Variants in PAM observed in about 807,000 individuals in gnomAD.
PAM encodes peptidyl-glycine alpha-amidating monooxygenase.
Under a neutral mutation model 122.1 loss-of-function variants are expected in PAM, and 72 were observed. That is an observed-to-expected ratio of 0.59 (90% CI 0.49 to 0.72). The LOEUF (loss-of-function observed/expected upper bound fraction) is 0.72, where lower values mean the gene tolerates loss of function less well. Ranked by LOEUF, PAM falls within the 30% of genes least tolerant of loss-of-function variation. The pLI is 0.00. For missense variants in PAM, 1,106 were observed against 1,183.7 expected (o/e 0.93, Z 0.96); for synonymous variants, 389 against 404.4 (o/e 0.96, Z 0.46).
At chr5:102,809,647 ATATAC>A (rs1354178869) in intron 1 of PAM, among the ~76,000 whole-genome samples, 1 of 152,242 alleles carries the variant, frequency 6.6e-6, no homozygotes, top group Admixed American at 6.5e-5. Context: ...GCCTTTTTAA[ATATAC>A]CCTTCTGTCT....
At chr5:102,758,877 A>C (rs1751464375) in intron 1 of PAM, among the ~76,000 whole-genome samples, 1 of 152,178 alleles carries the variant, frequency 6.6e-6, no homozygotes, top group African/African-American at 2.4e-5. Context: ...CATTTTAAAA[A>C]TGAATACATA....
chr5:103,003,986 G>A (rs1411299351), intron 17 of PAM, among the ~76,000 whole-genome samples: 3 of 151,770 alleles, frequency 2.0e-5, no homozygotes, highest in African/African-American at 7.3e-5. Flanking sequence ...TGATATTTAT[G>A]GTCATTGAAA....
At position 102,762,059 on chromosome 5, in the gene PAM, A is replaced by C. The variant is rs564073621; in HGVS notation, c.-374+6711A>C. On this transcript the variant is annotated intron_variant, in intron 1 of 25. Transcript: ENST00000438793. ...TTTCCCCATTTAGTTTAAAAACGTTACTTTGTTAAATGTCTTTTTCTTTTA... is the reference window on the plus strand; with the variant it reads ...TTTCCCCATTTAGTTTAAAAACGTTCCTTTGTTAAATGTCTTTTTCTTTTA... 4.9e-4 allele frequency among the ~76,000 whole-genome samples: 75 copies of C among 152,274 alleles called. 1 individual carries two copies. Among genetic ancestry groups the C allele is most frequent in the African/African-American group, 1.8e-3 (73 of 41,562 alleles).
intron 15 of PAM, among the ~76,000 whole-genome samples, chr5:102,978,352 G>T (rs1340306999): frequency 6.6e-6 from 1 of 152,114 alleles, no homozygotes; most frequent in African/African-American, 2.4e-5. Flanking sequence ...AGAAGCAGAT[G>T]TACTTCTTTT....
At chr5:102,766,141 G>A (rs1248592669) in intron 1 of PAM, among the ~76,000 whole-genome samples, 1 of 152,120 alleles carries the variant, frequency 6.6e-6, no homozygotes, top group Non-Finnish European at 1.5e-5. Context: ...CACCAGGACC[G>A]GTTTCATGGA....
chr5:102,959,073 T>C (rs78527488), intron 12 of PAM, among the ~76,000 whole-genome samples: 4,142 of 152,272 alleles, frequency 0.027, 209 homozygotes, highest in African/African-American at 0.095. Flanking sequence ...GCAGAATACA[T>C]ATTTTGTAAA....
Position 102,981,117 on chromosome 5 carries a change from G to A in PAM, c.1483+6681G>A, listed in dbSNP as rs75961202. Among the ~76,000 whole-genome samples the A allele has an allele frequency of 3.0e-3, 462 of 152,220 alleles. 2 individuals carry two copies. The highest frequency in any genetic ancestry group is 0.011 in the African/African-American group (444 of 41,540). ...AAGATAGGCTCAAAACAACCTATGCGTCCATATTTTTTTGCAGACTTCCAA... is the reference window on the plus strand; with the variant it reads ...AAGATAGGCTCAAAACAACCTATGCATCCATATTTTTTTGCAGACTTCCAA... On this transcript the variant is annotated intron_variant, in intron 15 of 25. Transcript: ENST00000438793.
At chr5:102,881,751 G>C (rs1047611419) in intron 3 of PAM, among the ~76,000 whole-genome samples, 6 of 150,676 alleles carry the variant, frequency 4.0e-5, no homozygotes, top group African/African-American at 1.5e-4. Flanking sequence ...ACGTGAATAA[G>C]TTTTTTAGTG....
At chr5:102,839,216 G>A (rs1259495035) in intron 1 of PAM, among the ~76,000 whole-genome samples, 1 of 152,054 alleles carries the variant, frequency 6.6e-6, no homozygotes, top group Non-Finnish European at 1.5e-5. Flanking sequence ...TATATTCAAG[G>A]ATTCCATGTA....
chr5:102,821,145 T>C (rs1771767337), intron 1 of PAM, among the ~76,000 whole-genome samples: 2 of 152,198 alleles, frequency 1.3e-5, no homozygotes, highest in East Asian at 1.9e-4. Context: ...CTATTCAAGC[T>C]TGGAATTTTT....
chr5:102,827,009 T>C (rs1443462244), intron 1 of PAM, among the ~76,000 whole-genome samples: 3 of 152,206 alleles, frequency 2.0e-5, no homozygotes, highest in Admixed American at 2.0e-4. Flanking sequence ...CTAAGAAATA[T>C]TTTCTGTCTA....
intron 4 of PAM, among the ~76,000 whole-genome samples, chr5:102,911,532 G>C (rs1423830903): frequency 6.6e-6 from 1 of 151,890 alleles, no homozygotes; most frequent in Non-Finnish European, 1.5e-5. Context: ...AATAGTTAGA[G>C]AATTTATACT....
Position 102,905,323 on chromosome 5 carries a change from T to G in PAM, c.268+3910T>G, listed in dbSNP as rs75401810. On this transcript the variant is annotated intron_variant, in intron 4 of 25. Coordinates refer to ENST00000438793, the MANE Select transcript of PAM (RefSeq NM_001177306.2). The stretch of plus-strand genomic sequence containing the variant: ...GTAAATAATTGTGTCTTTTCCTTAG[T>G]GAATGATGACAGGTCCCTATCTATC... 8.0e-3 allele frequency among the ~76,000 whole-genome samples: 1,214 copies of G among 151,760 alleles called. 22 individuals are homozygous for G. Among genetic ancestry groups the G allele is most frequent in the African/African-American group, 0.027 (1,135 of 41,484 alleles).
At chr5:102,897,406 T>G (rs913940929) in intron 3 of PAM, among the ~76,000 whole-genome samples, 1 of 151,666 alleles carries the variant, frequency 6.6e-6, no homozygotes, top group African/African-American at 2.4e-5. Context: ...TGCATATATT[T>G]ATGGTGTACA....
intron 1 of PAM, among the ~76,000 whole-genome samples, chr5:102,760,293 G>A (rs1751934522): frequency 6.6e-6 from 1 of 152,106 alleles, no homozygotes; most frequent in African/African-American, 2.4e-5. Context: ...TCAGGACATT[G>A]GCACAACTAT....
chr5:102,939,541 T>G (rs754473517), intron 7 of PAM, among the ~76,000 whole-genome samples: 3 of 152,160 alleles, frequency 2.0e-5, no homozygotes, highest in Non-Finnish European at 4.4e-5. Context: ...GAGAGAGAAT[T>G]CAGGTCACTG....
chr5:103,017,332 A>G lies in PAM; in HGVS notation c.2332-2A>G, dbSNP rs1006675725. 1 of 1,593,762 alleles carries G rather than the reference A, an allele frequency of 6.3e-7. No individual in the cohort carries two copies. Among genetic ancestry groups the G allele is most frequent in the Non-Finnish European group, 8.6e-7 (1 of 1,161,796 alleles). ...CTAATGTGTAGCTTCTTATTTTGGC[A>G]GCACTTTGATATGCCTCATGATATT... On this transcript the variant is annotated splice_acceptor_variant, in intron 21 of 25. Transcript: ENST00000438793. LOFTEE classifies it high-confidence loss of function.
chr5:103,002,226 A>G (rs1777610550), intron 16 of PAM, among the ~76,000 whole-genome samples: 1 of 152,152 alleles, frequency 6.6e-6, no homozygotes, highest in South Asian at 2.1e-4. Flanking sequence ...TGTCTGTGAT[A>G]ATTGTGAATT....
At chr5:102,766,027 G>A (rs1230739744) in intron 1 of PAM, among the ~76,000 whole-genome samples, 2 of 151,966 alleles carry the variant, frequency 1.3e-5, no homozygotes, top group Non-Finnish European at 2.9e-5. Context: ...TACAAGAAAG[G>A]GTAATCACAA....
Sources: gnomAD v4.1 joint callset for allele counts (sites outside exome capture counted in the v4.1 genomes callset) on GRCh38, gnomAD v4.1.1 for gene constraint, MANE v1.5 for transcripts, NCBI Gene and HGNC (gene_info 2026-07-23, HGNC 2026-07-21) for gene names.